ZNF713: variants seen among roughly 807,000 people sequenced by gnomAD.
ZNF713 encodes zinc finger protein 713.
In ZNF713, 21 loss-of-function variants were observed where a neutral mutation model predicts 28.7. That is an observed-to-expected ratio of 0.73 (90% CI 0.52 to 1.05). The LOEUF (loss-of-function observed/expected upper bound fraction) is 1.05. ZNF713 is among the 50% of genes least tolerant of loss of function. ZNF713 has a pLI of 0.00. For missense variants in ZNF713, 458 were observed against 532.4 expected (o/e 0.86, Z 1.37); for synonymous variants, 167 against 178.0 (o/e 0.94, Z 0.49).
chr7:55,927,094 A>T (rs1786110927), intron 6 of ZNF713, among the ~76,000 whole-genome samples: 1 of 152,164 alleles, frequency 6.6e-6, no homozygotes, highest in South Asian at 2.1e-4. Context: ...GTGAGCCAAG[A>T]CTGCACCACT....
At chr7:55,908,760 G>T (rs769423756) in intron 2 of ZNF713, among the ~76,000 whole-genome samples, 2 of 152,086 alleles carry the variant, frequency 1.3e-5, no homozygotes, top group Admixed American at 6.6e-5. Flanking sequence ...TGCTTTTGTT[G>T]CATTTGCTTT....
chr7:55,904,067 G>A (rs1785629048), intron 1 of ZNF713, among the ~76,000 whole-genome samples: 2 of 123,766 alleles, frequency 1.6e-5, no homozygotes, highest in African/African-American at 5.7e-5. Flanking sequence ...ATAAAAGGCA[G>A]GCAAAGGAAA....
intron 6 of ZNF713, among the ~76,000 whole-genome samples, chr7:55,937,883 G>C (rs1004255713): frequency 1.3e-5 from 2 of 151,012 alleles, no homozygotes; most frequent in Non-Finnish European, 2.9e-5. Context: ...CAGCCTGGGT[G>C]ACAGAGTGAG....
intron 6 of ZNF713, among the ~76,000 whole-genome samples, chr7:55,931,513 C>CA (rs979600470): frequency 6.6e-6 from 1 of 151,674 alleles, no homozygotes; most frequent in Non-Finnish European, 1.5e-5. Context: ...AATATTTTTT[C>CA]AAAAAAATTG....
intron 4 of ZNF713, among the ~76,000 whole-genome samples, chr7:55,914,609 G>A (rs2116220134): frequency 6.6e-6 from 1 of 152,334 alleles, no homozygotes; most frequent in East Asian, 1.9e-4. Context: ...GAAGGGAGAA[G>A]TCTGATTGAG....
intron 1 of ZNF713, among the ~76,000 whole-genome samples, chr7:55,902,993 CAAAAAAAAAAAAA>C (rs35706402): frequency 2.5e-5 from 2 of 80,786 alleles, no homozygotes; most frequent in Non-Finnish European, 4.6e-5. Context: ...AACTCCGTCT[CAAAAAAAAAAAAA>C]AAAAAAAAAG....
At chr7:55,921,920 T>TTTTG (rs961369512) in intron 4 of ZNF713, among the ~76,000 whole-genome samples, 48 of 152,236 alleles carry the variant, frequency 3.2e-4, no homozygotes, top group South Asian at 1.2e-3. Flanking sequence ...TATTGCTGTC[T>TTTTG]TTTGTTTGTT....
At chr7:55,927,555 G>T (rs537246197) in intron 6 of ZNF713, among the ~76,000 whole-genome samples, 2 of 151,918 alleles carry the variant, frequency 1.3e-5, no homozygotes, top group Non-Finnish European at 2.9e-5. Flanking sequence ...AAGCAGGAAC[G>T]ATTTTACTTG....
intron 1 of ZNF713, among the ~76,000 whole-genome samples, chr7:55,891,703 CATAA>C (rs1055877212): frequency 4.6e-5 from 7 of 151,652 alleles, no homozygotes; most frequent in Non-Finnish European, 5.9e-5. Flanking sequence ...AAAACAAAAA[CATAA>C]ATAAACAGAA....
At chr7:55,932,806 C>A (rs1786263125) in intron 6 of ZNF713, among the ~76,000 whole-genome samples, 1 of 134,330 alleles carries the variant, frequency 7.4e-6, no homozygotes, top group African/African-American at 2.8e-5. Context: ...ATGGCGTGAA[C>A]CCGGGAAGCG....
chr7:55,935,124 C>A (rs1358775775), intron 6 of ZNF713, among the ~76,000 whole-genome samples: 2 of 151,744 alleles, frequency 1.3e-5, no homozygotes. Flanking sequence ...CTCCTGACCT[C>A]ACGATCCGCC....
At chr7:55,936,586 C>T (rs34015089) in intron 6 of ZNF713, among the ~76,000 whole-genome samples, 6,803 of 152,150 alleles carry the variant, frequency 0.045, 289 homozygotes, top group East Asian at 0.22. Context: ...TGATGTGGAC[C>T]TCATGTCTAA....
chr7:55,929,385 A>G (rs1200942426), intron 6 of ZNF713, among the ~76,000 whole-genome samples: 1 of 152,222 alleles, frequency 6.6e-6, no homozygotes, highest in Non-Finnish European at 1.5e-5. Flanking sequence ...TAAAGGCATT[A>G]TTTTAAATAA....
intron 6 of ZNF713, among the ~76,000 whole-genome samples, chr7:55,929,805 A>G (rs1584316882): frequency 6.6e-6 from 1 of 152,226 alleles, no homozygotes; most frequent in East Asian, 1.9e-4. Context: ...CATCTTTTAT[A>G]ACCTTGAAAT....
chr7:55,935,921 C>G (rs1023346095), intron 6 of ZNF713, among the ~76,000 whole-genome samples: 1 of 151,754 alleles, frequency 6.6e-6, no homozygotes, highest in African/African-American at 2.4e-5. Context: ...CGCCACGGCA[C>G]TCCAGCCTGG....
chr7:55,922,668 C>G (rs533342145), intron 4 of ZNF713, among the ~76,000 whole-genome samples: 1 of 152,266 alleles, frequency 6.6e-6, no homozygotes, highest in Admixed American at 6.5e-5. Context: ...GCTGAAGGCT[C>G]AGATGATCAT....
At chr7:55,917,262 A>AG (rs951830738) in intron 4 of ZNF713, among the ~76,000 whole-genome samples, 1 of 142,838 alleles carries the variant, frequency 7.0e-6, no homozygotes, top group Non-Finnish European at 1.5e-5. Context: ...TCTGCATGGA[A>AG]AAAAAAAAAC....
At chr7:55,895,619 C>A (rs1325734153) in intron 1 of ZNF713, among the ~76,000 whole-genome samples, 1 of 151,840 alleles carries the variant, frequency 6.6e-6, no homozygotes, top group African/African-American at 2.4e-5. Flanking sequence ...CAGGCACGCG[C>A]CACCATGCCT....
intron 6 of ZNF713, among the ~76,000 whole-genome samples, chr7:55,927,942 T>C (rs1049761717): frequency 2.2e-5 from 3 of 135,860 alleles, no homozygotes; most frequent in African/African-American, 8.5e-5. Context: ...TGGAGCAAGG[T>C]TCTAGAAGAG....
Sources: allele counts gnomAD v4.1 joint callset (sites outside exome capture counted in the v4.1 genomes callset), GRCh38; gene constraint gnomAD v4.1.1; transcripts MANE v1.5; gene names NCBI Gene and HGNC (gene_info 2026-07-23, HGNC 2026-07-21).